The following SNX29 variants were observed in gnomAD, a reference collection of about 807,000 sequenced individuals.
The protein encoded by SNX29 is sorting nexin 29.
A neutral mutation model predicts 102.1 loss-of-function variants in SNX29; 78 were observed. The ratio of observed to expected loss-of-function variants is 0.76; its 90% confidence interval spans 0.64 to 0.92. The LOEUF is 0.92. Ranked by LOEUF, SNX29 falls within the 40% of genes least tolerant of loss-of-function variation. The pLI, the probability that SNX29 is intolerant of heterozygous loss-of-function variation, is 0.00. For missense variants in SNX29, 1,280 were observed against 1,061.7 expected, an observed-to-expected ratio of 1.21 and a Z score of -2.86; for synonymous variants, 580 against 414.5, an observed-to-expected ratio of 1.40 and a Z score of -4.85.
chr16:12,559,304 A>AC (rs2078574002), intron 20 of SNX29, among the ~76,000 whole-genome samples: 1 of 151,826 alleles, frequency 6.6e-6, no homozygotes, highest in African/African-American at 2.4e-5. Context: ...AGGCATGCAA[A>AC]CCCTATTGTG....
intron 11 of SNX29, among the ~76,000 whole-genome samples, chr16:12,097,436 T>TAA (rs2052814367): frequency 6.6e-6 from 1 of 152,222 alleles, no homozygotes; most frequent in African/African-American, 2.4e-5. Context: ...GGCTGGTTGT[T>TAA]CCCTGCCTCA....
At chr16:12,127,406 C>A (rs981759576) in intron 12 of SNX29, among the ~76,000 whole-genome samples, 3 of 149,764 alleles carry the variant, frequency 2.0e-5, no homozygotes, top group African/African-American at 7.5e-5. Flanking sequence ...TAATTATCAC[C>A]TCCTTAGCCT....
At chr16:12,533,548 C>G (rs2076987740) in intron 20 of SNX29, among the ~76,000 whole-genome samples, 1 of 152,174 alleles carries the variant, frequency 6.6e-6, no homozygotes, top group Non-Finnish European at 1.5e-5. Context: ...GTCCTCATTT[C>G]TTACTTTCTT....
intron 14 of SNX29, among the ~76,000 whole-genome samples, chr16:12,265,404 G>C (rs371583316): frequency 2.6e-5 from 4 of 152,128 alleles, no homozygotes; most frequent in Admixed American, 1.3e-4. Flanking sequence ...AGCTGTCCCC[G>C]TGGATGCGTT....
In SNX29 at chr16:12,568,562, T is replaced by TC; in HGVS notation, c.2379dup (p.Lys794GlnfsTer19). On this transcript the variant is annotated frameshift_variant, in exon 21 of 21. Coordinates refer to ENST00000566228, the MANE Select transcript of SNX29 (RefSeq NM_032167.5). LOFTEE classifies it high-confidence loss of function. ...AGCCGGCCCAAAGCAGCTTCCCGCT[T>TC]CCCCAAACTGTCCCGGGGTCAGCCC... is the stretch of plus-strand genomic sequence containing the variant. 1.9e-6 allele frequency: 3 copies of TC among 1,609,152 alleles called. No homozygotes were observed. The highest frequency in any genetic ancestry group is 2.5e-6 in the Non-Finnish European group (3 of 1,179,822).
rs28497476 is a variant in SNX29 at position 12,156,694 on chromosome 16, G to T, written c.1595+26936G>T. ...CCTCTATGGCCTCATCTGCAAGGCA[G>T]GCCTCTCTAGGTCCTTAGCAAATGG... On this transcript the variant is annotated intron_variant, in intron 13 of 20. Coordinates refer to ENST00000566228, the MANE Select transcript of SNX29 (RefSeq NM_032167.5). Among the ~76,000 whole-genome samples, 686 of 152,358 alleles carry T rather than the reference G, an allele frequency of 4.5e-3. 8 individuals carry two copies. The highest frequency in any genetic ancestry group is 0.016 in the African/African-American group (649 of 41,582).
Position 12,562,522 on chromosome 16 carries a change from G to A in SNX29, c.2319-5984G>A, listed in dbSNP as rs374996362. ...CGTGAGCAGCCCAAGTACACCTGCT[G>A]GTGAATGACACAGCCAGGAGTCATC... On this transcript the variant is annotated intron_variant, in intron 20 of 20. Coordinates refer to ENST00000566228, the MANE Select transcript of SNX29 (RefSeq NM_032167.5). 2.3e-4 allele frequency among the ~76,000 whole-genome samples: 35 copies of A among 152,274 alleles called. 1 individual carries two copies. Among genetic ancestry groups the A allele is most frequent in the African/African-American group, 7.9e-4 (33 of 41,560 alleles).
At chr16:12,542,671 T>TGGGAACATGG (rs1356972440) in intron 20 of SNX29, among the ~76,000 whole-genome samples, 1 of 152,100 alleles carries the variant, frequency 6.6e-6, no homozygotes, top group Non-Finnish European at 1.5e-5. Flanking sequence ...GGCAGCGTGT[T>TGGGAACATGG]GGGAACATGG....
chr16:12,320,221 A>T (rs1465749086), intron 15 of SNX29, among the ~76,000 whole-genome samples: 1 of 151,848 alleles, frequency 6.6e-6, no homozygotes, highest in African/African-American at 2.4e-5. Context: ...TCCTTCCAGG[A>T]TGAGAAGGGG....
intron 14 of SNX29, among the ~76,000 whole-genome samples, chr16:12,211,745 C>T (rs1030734833): frequency 6.6e-6 from 1 of 152,170 alleles, no homozygotes; most frequent in Non-Finnish European, 1.5e-5. Flanking sequence ...TTCGTACTTC[C>T]TTATGAAACC....
At chr16:12,358,150 A>G (rs1455759671) in intron 16 of SNX29, among the ~76,000 whole-genome samples, 1 of 152,052 alleles carries the variant, frequency 6.6e-6, no homozygotes, top group Non-Finnish European at 1.5e-5. Context: ...CTTAAACTTT[A>G]CTGAGTTTTG....
rs576092863 is a variant in SNX29 at position 12,276,409 on chromosome 16, C to G, written c.1679-1524C>G. ...CAGGGTCTTGAGCCTTCGGCGGGCT[C>G]TAACAGTGTGGTCTGAGGAGGCTTA... On this transcript the variant is annotated intron_variant, in intron 14 of 20. Coordinates refer to ENST00000566228, the MANE Select transcript of SNX29 (RefSeq NM_032167.5). Among the ~76,000 whole-genome samples the G allele has an allele frequency of 8.5e-5, 13 of 152,306 alleles. No homozygotes were observed. In the East Asian group the frequency reaches 2.5e-3, roughly 29 times the overall value.
At chr16:12,321,343 C>T (rs2080924699) in intron 15 of SNX29, among the ~76,000 whole-genome samples, 1 of 152,168 alleles carries the variant, frequency 6.6e-6, no homozygotes, top group South Asian at 2.1e-4. Context: ...AATGACTTCC[C>T]AAACCCAGTC....
chr16:12,474,327 T>C (rs1309471450), intron 18 of SNX29, among the ~76,000 whole-genome samples: 5 of 152,168 alleles, frequency 3.3e-5, no homozygotes, highest in Non-Finnish European at 1.5e-5. Context: ...TTAGGCCTCA[T>C]GAGTTTTAGG....
At chr16:12,092,007 C>A (rs532317855) in intron 11 of SNX29, among the ~76,000 whole-genome samples, 4 of 152,104 alleles carry the variant, frequency 2.6e-5, no homozygotes, top group Non-Finnish European at 2.9e-5. Context: ...CCCTACTCGG[C>A]GGAGGTGCTC....
chr16:12,408,173 C>CAAA (rs1235037141), intron 18 of SNX29, among the ~76,000 whole-genome samples: 1 of 78,268 alleles, frequency 1.3e-5, no homozygotes, highest in Non-Finnish European at 3.7e-5. Context: ...AACAAACAAA[C>CAAA]AAACAAAAAA....
intron 11 of SNX29, among the ~76,000 whole-genome samples, chr16:12,092,036 C>T (rs2052573229): frequency 6.6e-6 from 1 of 152,190 alleles, no homozygotes; most frequent in East Asian, 1.9e-4. Context: ...GGCCCTCTTT[C>T]CCTGGCCGTC....
intron 18 of SNX29, among the ~76,000 whole-genome samples, chr16:12,439,948 G>A (rs1291126378): frequency 1.3e-5 from 2 of 152,208 alleles, no homozygotes; most frequent in African/African-American, 2.4e-5. Context: ...TGGCCAAACC[G>A]TCCAGCTGGT....
chr16:12,553,631 C>T (rs1413806243), intron 20 of SNX29, among the ~76,000 whole-genome samples: 1 of 135,032 alleles, frequency 7.4e-6, no homozygotes, highest in Non-Finnish European at 1.5e-5. Context: ...GTGCTTGTTG[C>T]CCAGGCTGGA....
Sources: gnomAD v4.1 joint callset for allele counts (sites outside exome capture counted in the v4.1 genomes callset) on GRCh38, gnomAD v4.1.1 for gene constraint, MANE v1.5 for transcripts, NCBI Gene and HGNC (gene_info 2026-07-23, HGNC 2026-07-21) for gene names.